Variants in TBC1D32 observed in about 807,000 individuals in gnomAD.
The protein encoded by TBC1D32 is protein broad-minded.
A neutral mutation model predicts 170.3 loss-of-function variants in TBC1D32; 151 were observed. The ratio of observed to expected loss-of-function variants is 0.89; its 90% confidence interval spans 0.78 to 1.01. The LOEUF (loss-of-function observed/expected upper bound fraction) is 1.01, where lower values mean the gene tolerates loss of function less well. Among genes scored for constraint, TBC1D32 ranks in the 50% least tolerant of loss-of-function variants. The pLI is 0.00. For synonymous variants in TBC1D32, 498 were observed against 488.0 expected (o/e 1.02, Z -0.27); for missense variants, 1,464 against 1,457.1 (o/e 1.00, Z -0.08).
At chr6:121,129,899 C>A in intron 25 of TBC1D32, 1 of 450,050 alleles carries the variant, frequency 2.2e-6, no homozygotes, top group South Asian at 1.6e-5. Flanking sequence ...GTATCTCACA[C>A]AGGAAAAACC....
intron 30 of TBC1D32, among the ~76,000 whole-genome samples, chr6:121,096,687 A>G (rs1777453851): frequency 9.6e-6 from 1 of 104,568 alleles, no homozygotes; most frequent in African/African-American, 2.7e-5. Context: ...ATAGAACTGG[A>G]AAAAACTACT....
At position 121,175,541 on chromosome 6, in the gene TBC1D32, G is replaced by A. The variant is rs573328769; in HGVS notation, c.2571-14485C>T. On this transcript the variant is annotated intron_variant, in intron 22 of 31. Transcript: ENST00000398212. ...GATAAAAAGAGAGTTTAATATTAAAGTATCTCCTGATGTAATTTATGACAT... is the reference window on the plus strand; with the variant it reads ...GATAAAAAGAGAGTTTAATATTAAAATATCTCCTGATGTAATTTATGACAT... Among the ~76,000 whole-genome samples, 8 of 152,302 alleles carry A rather than the reference G, an allele frequency of 5.3e-5. No individual in the cohort carries two copies. In the South Asian group the frequency reaches 1.7e-3, roughly 32 times the overall value.
intron 2 of TBC1D32, among the ~76,000 whole-genome samples, chr6:121,320,607 A>G (rs777194160): frequency 5.3e-5 from 8 of 152,182 alleles, no homozygotes; most frequent in Non-Finnish European, 1.0e-4. Flanking sequence ...AAGAAATCTT[A>G]GCCTCTACAA....
At chr6:121,272,900 A>C (rs1275369858) in intron 15 of TBC1D32, among the ~76,000 whole-genome samples, 1 of 152,240 alleles carries the variant, frequency 6.6e-6, no homozygotes, top group African/African-American at 2.4e-5. Flanking sequence ...AAAATGTGGC[A>C]CATATACACC....
rs35827363 is a variant in TBC1D32 at position 121,095,042 on chromosome 6, G to GA, written c.3466-4002dup. Among the ~76,000 whole-genome samples, 1,021 of 151,982 alleles carry GA rather than the reference G, an allele frequency of 6.7e-3. 17 individuals carry two copies. Among genetic ancestry groups the GA allele is most frequent in the African/African-American group, 0.024 (979 of 41,456 alleles). ...ATCAGTTGAGTCTTTATATTCACTGGAAAAAAATGCTATTATCAATAGTAA... is the reference window on the plus strand; with the variant it reads ...ATCAGTTGAGTCTTTATATTCACTGGAAAAAAAATGCTATTATCAATAGTAA... On this transcript the variant is annotated intron_variant, in intron 30 of 31. Transcript: ENST00000398212.
chr6:121,242,065 G>A (rs1797053396), intron 18 of TBC1D32, 136 bp downstream of exon 18: 1 of 848,438 alleles, frequency 1.2e-6, no homozygotes, highest in Non-Finnish European at 1.7e-6. Context: ...AAAAAATCAA[G>A]TTGACTATTA....
intron 12 of TBC1D32, among the ~76,000 whole-genome samples, chr6:121,291,695 A>G (rs1804892209): frequency 6.6e-6 from 1 of 152,160 alleles, no homozygotes; most frequent in Non-Finnish European, 1.5e-5. Context: ...TACCAATTTC[A>G]CTATTCAATT....
chr6:121,252,957 C>A (rs970122012), intron 17 of TBC1D32, among the ~76,000 whole-genome samples: 2 of 152,100 alleles, frequency 1.3e-5, no homozygotes, highest in South Asian at 2.1e-4. Flanking sequence ...AAAATCAACA[C>A]ATGATGGATC....
chr6:121,088,040 T>C (rs1021729709), intron 31 of TBC1D32, among the ~76,000 whole-genome samples: 1 of 151,048 alleles, frequency 6.6e-6, no homozygotes, highest in African/African-American at 2.4e-5. Context: ...GGCCTCGACC[T>C]CCTGGGCTCA....
At chr6:121,311,704 C>T in intron 3 of TBC1D32, among the ~76,000 whole-genome samples, 1 of 142,664 alleles carries the variant, frequency 7.0e-6, no homozygotes. Context: ...TCCAGCCTGG[C>T]AACTGAGTGA....
intron 15 of TBC1D32, among the ~76,000 whole-genome samples, chr6:121,278,019 A>G (rs1802466879): frequency 1.3e-5 from 2 of 152,122 alleles, no homozygotes; most frequent in South Asian, 4.1e-4. Flanking sequence ...AGATAAATTC[A>G]CCAATTCCTT....
At chr6:121,257,142 A>ATGGTGTCATTTAACTTTTTTCTC (rs1464462992) in intron 15 of TBC1D32, among the ~76,000 whole-genome samples, 3 of 152,188 alleles carry the variant, frequency 2.0e-5, no homozygotes, top group Non-Finnish European at 4.4e-5. Flanking sequence ...CTACTTTACC[A>ATGGTGTCATTTAACTTTTTTCTC]TGGTGTCATT....
intron 25 of TBC1D32, 146 bp downstream of exon 25, chr6:121,131,481 G>T: frequency 1.3e-6 from 1 of 760,548 alleles, no homozygotes; most frequent in Non-Finnish European, 1.9e-6. Context: ...TGTTCTCTCA[G>T]GATCCCAATT....
chr6:121,210,798 A>G (rs1005382476), intron 21 of TBC1D32, among the ~76,000 whole-genome samples: 5 of 152,232 alleles, frequency 3.3e-5, no homozygotes, highest in Non-Finnish European at 5.9e-5. Flanking sequence ...AAGTTCTCCA[A>G]TTCTGAAATG....
At chr6:121,121,809 C>T (rs1247430681) in intron 26 of TBC1D32, among the ~76,000 whole-genome samples, 1 of 151,890 alleles carries the variant, frequency 6.6e-6, no homozygotes. Flanking sequence ...ACAAAAACAA[C>T]CCTAAAGAAA....
chr6:121,106,064 C>T lies in TBC1D32; in HGVS notation c.3424G>A (p.Val1142Met). 1.9e-6 allele frequency: 3 copies of T among 1,608,652 alleles called. No individual in the cohort carries two copies. Among genetic ancestry groups the T allele is most frequent in the Non-Finnish European group, 2.6e-6 (3 of 1,176,296 alleles). The change falls in exon 30 of 32, where the codon GTG becomes ATG. Residue 1142 changes from valine to methionine, a missense_variant. Transcript: ENST00000398212. Reference sequence around the variant, plus strand: ...CCAGACATGTGAAAAGCTGAAAACACAAGAGGCAACTCAGCCTTCAGTAGC... The same window carrying T: ...CCAGACATGTGAAAAGCTGAAAACATAAGAGGCAACTCAGCCTTCAGTAGC... ...EMLLKAELPLVFSAFHMSGFA... is the reference protein window; with the variant it reads ...EMLLKAELPLMFSAFHMSGFA...
At chr6:121,245,553 A>T (rs1187588562) in intron 17 of TBC1D32, among the ~76,000 whole-genome samples, 1 of 152,136 alleles carries the variant, frequency 6.6e-6, no homozygotes, top group Non-Finnish European at 1.5e-5. Flanking sequence ...CTACCTCTCT[A>T]TCCAATAGGC....
chr6:121,272,154 C>T (rs147665575), intron 15 of TBC1D32, among the ~76,000 whole-genome samples: 1 of 152,078 alleles, frequency 6.6e-6, no homozygotes, highest in Non-Finnish European at 1.5e-5. Flanking sequence ...CATAAAAACC[C>T]TAGAAGAAAA....
chr6:121,092,293 G>GTTTTTTT lies in TBC1D32; in HGVS notation c.3466-1259_3466-1253dup, dbSNP rs1160372863. Among the ~76,000 whole-genome samples, 340 of 50,416 alleles carry GTTTTTTT rather than the reference G, an allele frequency of 6.7e-3. 13 individuals carry two copies. The highest frequency in any genetic ancestry group is 0.012 in the Non-Finnish European group (273 of 23,248). 33.1% of individuals were successfully genotyped at this position (50,416 alleles called of 152,430 possible). A position where few individuals can be genotyped will look rare whatever the true frequency, so the allele number is the denominator to read the frequency against. ...AATATCTCTTCTCCTTCAGTTTTAT[G>GTTTTTTT]TTTTTTTTTTTTTTTTTTTTTTTTT... On this transcript the variant is annotated intron_variant, in intron 30 of 31. Coordinates refer to ENST00000398212, the MANE Select transcript of TBC1D32 (RefSeq NM_152730.6).
Sources: allele counts gnomAD v4.1 joint callset (sites outside exome capture counted in the v4.1 genomes callset), GRCh38; gene constraint gnomAD v4.1.1; transcripts MANE v1.5; gene names NCBI Gene and HGNC (gene_info 2026-07-23, HGNC 2026-07-21).